The following HCFC1 variants were observed in gnomAD, a reference collection of about 807,000 sequenced individuals.
The protein encoded by HCFC1 is host cell factor C1.
In HCFC1, 7 loss-of-function variants were observed where a neutral mutation model predicts 105.5. The observed-to-expected ratio is 0.07, with a 90% CI of 0.04 to 0.12. The LOEUF (loss-of-function observed/expected upper bound fraction) is 0.12, where lower values mean the gene tolerates loss of function less well. Among genes scored for constraint, HCFC1 ranks in the 10% least tolerant of loss-of-function variants. The pLI, the probability that HCFC1 is intolerant of heterozygous loss-of-function variation, is 1.00. For missense variants in HCFC1, 1,065 were observed against 1,823.6 expected (o/e 0.58, Z 7.58); for synonymous variants, 918 against 828.1 (o/e 1.11, Z -1.86).
chrX:153,953,906 C>T (rs2065341524), intron 17 of HCFC1, 136 bp from the exon 18 acceptor site: 6 of 887,100 alleles, frequency 6.8e-6, no homozygotes, highest in Non-Finnish European at 9.3e-6. Flanking sequence ...CCTCTGTCTG[C>T]TTCAGGTACA....
chrX:153,956,453 T>C, intron 15 of HCFC1, 42 bp from the exon 16 acceptor site: 1 of 1,157,331 alleles, frequency 8.6e-7, no homozygotes, highest in Non-Finnish European at 1.2e-6. Flanking sequence ...GCTGCTGCTG[T>C]CTCCTTCCCA....
Position 153,957,502 on chromosome X carries a change from A to T in HCFC1, c.2165T>A (p.Leu722Gln). The change falls in exon 13 of 26, where the codon CTG (leucine) becomes CAG (glutamine). Residue 722 changes from leucine (L) to glutamine (Q), a missense_variant. Transcript: ENST00000310441. ...TKGPLPAGTI[L>Q]KLVTSADGKP... ...GCCATCTGCTGAGGTCACCAGCTTC[A>T]GGATTGTTCCCGCTGGCAGGGGCCC... is the stretch of plus-strand genomic sequence containing the variant. 1 of 1,208,169 alleles carries T rather than the reference A, an allele frequency of 8.3e-7. No homozygotes were observed. The highest frequency in any genetic ancestry group is 1.1e-6 in the Non-Finnish European group (1 of 892,931).
intron 1 of HCFC1, among the ~76,000 whole-genome samples, chrX:153,970,415 G>A (rs2065516702): frequency 1.1e-5 from 1 of 88,884 alleles, no homozygotes; most frequent in Non-Finnish European, 2.2e-5. Flanking sequence ...GGAGGGGCAA[G>A]CCGATCAGTG....
rs1158961146 is a variant in HCFC1, at chrX:153,954,119, G to A, written c.4280C>T (p.Thr1427Met). 1 of 1,208,687 alleles carries A rather than the reference G, an allele frequency of 8.3e-7. No homozygotes were observed. The highest frequency in any genetic ancestry group is 1.1e-6 in the Non-Finnish European group (1 of 893,994). Residue 1427 changes from threonine to methionine, a missense_variant, in exon 17 of 26, where the codon ACG becomes ATG. Physicochemically the swap from Thr to Met is moderately conservative, Grantham distance 81. This residue lies in a region of HCFC1 where 546 missense variants were observed against 599.9 expected (regional missense o/e 0.91). Transcript: ENST00000310441. ...AGTGGTGGCCGTGTGAGTGGTGCCC[G>A]TCTCGTGGGTCTCACAGGGGGGGTT... ...CSNPPCETHETGTTHTATTVT... is the reference protein window; with the variant it reads ...CSNPPCETHEMGTTHTATTVT...
Position 153,961,698 on chromosome X carries a change from G to A in HCFC1, c.798-50C>T, listed in dbSNP as rs973138954. 7 of 927,757 alleles carry A rather than the reference G, an allele frequency of 7.5e-6. No individual in the cohort carries two copies. The Admixed American group carries it at 1.7e-4, about 23-fold the overall frequency. The allele number at this position is 927,757 out of a possible 1,213,427, so 76.5% of individuals were successfully genotyped here. A position where few individuals can be genotyped will look rare whatever the true frequency, so the allele number is the denominator to read the frequency against. ...GAAAGGATTGTAGAGTTGGTGCCAAGCTAGAGGCCACCTCTGCTACCCCAG... is the reference window on the plus strand; with the variant it reads ...GAAAGGATTGTAGAGTTGGTGCCAAACTAGAGGCCACCTCTGCTACCCCAG... On this transcript the variant is annotated intron_variant, in intron 5 of 25. Coordinates refer to ENST00000310441, the MANE Select transcript of HCFC1 (RefSeq NM_005334.3).
intron 5 of HCFC1, 79 bp downstream of exon 5, chrX:153,962,143 G>C: frequency 1.3e-6 from 1 of 784,739 alleles, no homozygotes; most frequent in Non-Finnish European, 1.9e-6. Context: ...GGTCTGACAG[G>C]ACAAAACTGA....
Position 153,958,707 on chromosome X carries a change from G to GGCAGCGGCC in HCFC1, c.1656_1664dup (p.Ala553_Ala555dup). 8.4e-7 allele frequency: 1 copy of GGCAGCGGCC among 1,196,387 alleles called. No individual in the cohort carries two copies. The highest frequency in any genetic ancestry group is 1.1e-6 in the Non-Finnish European group (1 of 886,715). ...CCGAGGAAGGGGGGATCTTCTGGGT[G>GGCAGCGGCC]GCAGCGGCCGCAGCGGCCAGTGCGG... On this transcript the variant is annotated inframe_insertion, in exon 10 of 26. Coordinates refer to ENST00000310441, the MANE Select transcript of HCFC1 (RefSeq NM_005334.3).
chrX:153,952,991 C>T, intron 18 of HCFC1, 33 bp from the exon 19 acceptor site: 2 of 1,114,024 alleles, frequency 1.8e-6, no homozygotes, highest in Non-Finnish European at 2.4e-6. Flanking sequence ...AAGGGCATGT[C>T]AGAAGTTTCT....
chrX:153,961,234 G>T (rs782467059), intron 6 of HCFC1, among the ~76,000 whole-genome samples: 1 of 112,572 alleles, frequency 8.9e-6, no homozygotes. Context: ...CTGCAGGGTG[G>T]ACAGGAAACC....
rs182259193 is a variant in HCFC1 at position 153,965,504 on chromosome X, C to T, written c.194-778G>A. Among the ~76,000 whole-genome samples the T allele has an allele frequency of 2.7e-5, 3 of 112,670 alleles. No individual in the cohort carries two copies. The Admixed American group carries it at 2.8e-4, about 10-fold the overall frequency. ...GTCCTCAAACTTGACTCCCCTCACA[C>T]CTGGCAGGCCAGGGCTTCCCCGAAA... On this transcript the variant is annotated intron_variant, in intron 1 of 25. Coordinates refer to ENST00000310441, the MANE Select transcript of HCFC1 (RefSeq NM_005334.3).
At position 153,951,429 on chromosome X, in the gene HCFC1, A is replaced by G; in HGVS notation, c.5438T>C (p.Phe1813Ser). The G allele has an allele frequency of 1.7e-6, 2 of 1,210,975 alleles. No homozygotes were observed. The highest frequency in any genetic ancestry group is 2.2e-6 in the Non-Finnish European group (2 of 894,845). Residue 1813 changes from phenylalanine (F) to serine (S), a missense_variant, in exon 22 of 26, where the codon TTT (phenylalanine) becomes TCT (serine). By Grantham distance (155) the Phe-to-Ser change is radical. Coordinates refer to ENST00000310441, the MANE Select transcript of HCFC1 (RefSeq NM_005334.3). ...GGTGCCCTTAATGACTCCCACATCA[A>G]ACCACTGGTTTTCCTTCTTCATGGG... Reference protein sequence around the residue: ...KAPMKKENQWFDVGVIKGTNV... With the variant: ...KAPMKKENQWSDVGVIKGTNV...
In HCFC1 at chrX:153,971,622, T is replaced by A. The variant is rs2065535996; in HGVS notation, c.-782A>T. 1 of 293,900 alleles carries A rather than the reference T, an allele frequency of 3.4e-6. No individual in the cohort carries two copies. The highest frequency in any genetic ancestry group is 5.9e-6 in the Non-Finnish European group (1 of 168,133). 24.2% of individuals were successfully genotyped at this position (293,900 alleles called of 1,213,427 possible). On this transcript the variant is annotated 5_prime_UTR_variant, in exon 1 of 26. Transcript: ENST00000310441. Reference sequence around the variant, plus strand: ...ACTAGCTCCCCGTTCCCCCCTATTCTCTTCCTCCTAGGTCAGTTCTTCCAC... The same window carrying A: ...ACTAGCTCCCCGTTCCCCCCTATTCACTTCCTCCTAGGTCAGTTCTTCCAC...
rs1393034643 is a variant in HCFC1, at chrX:153,971,087, T to G, written c.-247A>C. On this transcript the variant is annotated 5_prime_UTR_variant, in exon 1 of 26. Coordinates refer to ENST00000310441, the MANE Select transcript of HCFC1 (RefSeq NM_005334.3). Reference sequence around the variant, plus strand: ...TGTCGAGCGCCTAGGCTCAAGAAGCTGGAGGCCGCTGAGTCCCGTCGCCCC... The same window carrying G: ...TGTCGAGCGCCTAGGCTCAAGAAGCGGGAGGCCGCTGAGTCCCGTCGCCCC... 1 of 355,113 alleles carries G rather than the reference T, an allele frequency of 2.8e-6. No individual in the cohort carries two copies. The highest frequency in any genetic ancestry group is 7.0e-5 in the South Asian group (1 of 14,220). 29.3% of individuals were successfully genotyped at this position (355,113 alleles called of 1,213,427 possible).
Position 153,971,762 on chromosome X carries a change from A to G in HCFC1, c.-922T>C. 3.4e-6 allele frequency: 1 copy of G among 297,425 alleles called. No homozygotes were observed. Among genetic ancestry groups the G allele is most frequent in the Non-Finnish European group, 5.9e-6 (1 of 170,066 alleles). The allele number at this position is 297,425 out of a possible 1,213,427, so 24.5% of individuals were successfully genotyped here. On this transcript the variant is annotated 5_prime_UTR_variant, in exon 1 of 26. Coordinates refer to ENST00000310441, the MANE Select transcript of HCFC1 (RefSeq NM_005334.3). ...CCCCGAAGCGGCAACTGTACGGCAG[A>G]AGAAGCGGTAACGGCAGGGCGCTCA...
chrX:153,950,370 G>A lies in HCFC1; in HGVS notation c.5877C>T (p.Cys1959=). 8.3e-7 allele frequency: 1 copy of A among 1,210,955 alleles called. No individual in the cohort carries two copies. Among genetic ancestry groups the A allele is most frequent in the Non-Finnish European group, 1.1e-6 (1 of 895,055 alleles). ...MRVYCGPSPS[C]LVQSSSLSNA... is the part of the protein sequence containing the mutation. The stretch of plus-strand genomic sequence containing the variant: ...TGGAAAGGCTGGAGGACTGCACCAG[G>A]CAGGAGGGGCTGGGCCCGCAGTACA... Residue 1959 remains cysteine (C), a synonymous_variant, in exon 24 of 26, where the codon TGC becomes TGT. Transcript: ENST00000310441.
rs1388535002 is a variant in HCFC1, at chrX:153,961,437, C to T, written c.904+105G>A. 1.1e-4 allele frequency: 55 copies of T among 511,400 alleles called. 1 individual carries two copies. The highest frequency in any genetic ancestry group is 2.6e-4 in the African/African-American group (11 of 42,916). The allele number at this position is 511,400 out of a possible 1,213,427, so 42.1% of individuals were successfully genotyped here. ...CCTTCCAGTGGATTCCAAAGGGAGC[C>T]GGGGGCCCAGCTTGCTCCCCGCACA... On this transcript the variant is annotated intron_variant, in intron 6 of 25. Coordinates refer to ENST00000310441, the MANE Select transcript of HCFC1 (RefSeq NM_005334.3).
intron 1 of HCFC1, among the ~76,000 whole-genome samples, chrX:153,966,270 G>A (rs981517546): frequency 4.5e-5 from 5 of 112,037 alleles, no homozygotes; most frequent in Non-Finnish European, 9.4e-5. Context: ...TACCACCACC[G>A]CTCCTCCTGA....
chrX:153,961,694 C>T (rs1557116961), intron 5 of HCFC1, 46 bp from the exon 6 acceptor site: 1 of 990,227 alleles, frequency 1.0e-6, no homozygotes, highest in Non-Finnish European at 1.4e-6. Flanking sequence ...AGAGTTGGTG[C>T]CAAGCTAGAG....
chrX:153,950,733 T>G, intron 23 of HCFC1, 80 bp downstream of exon 23: 1 of 1,022,196 alleles, frequency 9.8e-7, no homozygotes, highest in South Asian at 2.0e-5. Context: ...AGCTCTCCTA[T>G]GCCCCCCCCC....
Sources: allele counts gnomAD v4.1 joint callset (sites outside exome capture counted in the v4.1 genomes callset), GRCh38; gene constraint gnomAD v4.1.1; regional missense constraint gnomAD v4.1.1; transcripts MANE v1.5; gene names NCBI Gene and HGNC (gene_info 2026-07-23, HGNC 2026-07-21).